BCAS3: variants seen among roughly 807,000 people sequenced by gnomAD.
The protein encoded by BCAS3 is BCAS3 microtubule associated cell migration factor, also known as BCAS4/BCAS3 fusion.
Under a neutral mutation model 116.1 loss-of-function variants are expected in BCAS3, and 53 were observed. The ratio of observed to expected loss-of-function variants is 0.46; its 90% CI spans 0.37 to 0.57. The LOEUF is 0.57. BCAS3 is among the 20% of genes least tolerant of loss of function. The pLI is 0.00. For synonymous variants in BCAS3, 391 were observed against 408.2 expected (o/e 0.96, Z 0.51); for missense variants, 917 against 1,165.4 (o/e 0.79, Z 3.10).
Position 61,391,709 on chromosome 17 carries a change from C to T in BCAS3, c.2594-268C>T. ...AGTCCACACACATCGTCAGGGTGGCCGTGCTTCGGGCCTAAAGGGCTTCCC... is the reference window on the plus strand; with the variant it reads ...AGTCCACACACATCGTCAGGGTGGCTGTGCTTCGGGCCTAAAGGGCTTCCC... On this transcript the variant is annotated intron_variant, in intron 23 of 23. Coordinates refer to ENST00000407086, the MANE Select transcript of BCAS3 (RefSeq NM_017679.5). This position sits in a 1 kb window ranked among gnomAD's most constrained non-coding sequence, Gnocchi z 7.7. The T allele has an allele frequency of 6.4e-6, 3 of 469,292 alleles. No homozygotes were observed. The South Asian group carries it at 7.6e-5, about 12-fold the overall frequency. The allele number at this position is 469,292 out of a possible 1,614,324, so 29.1% of individuals were successfully genotyped here. A position where few individuals can be genotyped will look rare whatever the true frequency, so the allele number is the denominator to read the frequency against.
At chr17:60,879,810 A>C (rs1211842868) in intron 9 of BCAS3, among the ~76,000 whole-genome samples, 1 of 152,242 alleles carries the variant, frequency 6.6e-6, no homozygotes, top group Non-Finnish European at 1.5e-5. Flanking sequence ...TGGAAATGCA[A>C]AGTTTACTTT....
In BCAS3 at chr17:61,339,039, A is replaced by G. The variant is rs1293157091; in HGVS notation, c.2426-29288A>G. On this transcript the variant is annotated intron_variant, in intron 22 of 23. Transcript: ENST00000407086. This position sits in a 1 kb window ranked among gnomAD's most constrained non-coding sequence, Gnocchi z 4.4. Reference sequence around the variant, plus strand: ...TTAACATCTTGGTTTTGGGAAAAAAAAAAATTCACAAAGACCCATCTGCCT... The same window carrying G: ...TTAACATCTTGGTTTTGGGAAAAAAGAAAATTCACAAAGACCCATCTGCCT... Among the ~76,000 whole-genome samples, 2 of 151,898 alleles carry G rather than the reference A, an allele frequency of 1.3e-5. No homozygotes were observed. The highest frequency in any genetic ancestry group is 2.4e-5 in the African/African-American group (1 of 41,322).
At chr17:60,814,298 T>TGCGCGCGCGC (rs778722592) in intron 7 of BCAS3, among the ~76,000 whole-genome samples, 2,793 of 115,096 alleles carry the variant, frequency 0.024, 29 homozygotes, top group African/African-American at 0.058. Context: ...TGTGTGTGTG[T>TGCGCGCGCGC]GTGTGTGTGC....
chr17:60,882,509 C>A (rs966767569), intron 9 of BCAS3, among the ~76,000 whole-genome samples: 55 of 152,104 alleles, frequency 3.6e-4, no homozygotes, highest in African/African-American at 1.3e-3. Context: ...GACATGAAGT[C>A]CTTGCCCATG....
chr17:61,236,615 C>A (rs959028803), intron 22 of BCAS3, among the ~76,000 whole-genome samples: 1 of 152,146 alleles, frequency 6.6e-6, no homozygotes, highest in African/African-American at 2.4e-5. Flanking sequence ...CCACCGCATC[C>A]GGCCACTGTA....
chr17:60,785,274 C>T (rs2046196411), intron 6 of BCAS3, among the ~76,000 whole-genome samples: 1 of 152,038 alleles, frequency 6.6e-6, no homozygotes, highest in African/African-American at 2.4e-5. Context: ...TTCTTGTGCT[C>T]CATCCTCCTG....
At position 61,300,111 on chromosome 17, in the gene BCAS3, AG is replaced by A. The variant is rs1470256720; in HGVS notation, c.2426-68214del. On this transcript the variant is annotated intron_variant, in intron 22 of 23. Transcript: ENST00000407086. The surrounding 1 kb of genome is among the most constrained non-coding windows in gnomAD (Gnocchi z 5.1). The stretch of plus-strand genomic sequence containing the variant: ...GCTGTTTAGTACAGTACTAGGCAGA[AG>A]GTGCTTTCTCCTCACGTTACATTTT... Among the ~76,000 whole-genome samples, 11 of 152,216 alleles carry A rather than the reference AG, an allele frequency of 7.2e-5. No individual in the cohort carries two copies. The highest frequency in any genetic ancestry group is 2.9e-5 in the Non-Finnish European group (2 of 68,030).
At chr17:61,137,279 A>G (rs1004391686) in intron 22 of BCAS3, among the ~76,000 whole-genome samples, 2 of 152,206 alleles carry the variant, frequency 1.3e-5, no homozygotes, top group African/African-American at 4.8e-5. Context: ...ATATCAAGGG[A>G]TACATGACTC....
At chr17:60,707,877 A>G (rs2037371752) in intron 4 of BCAS3, among the ~76,000 whole-genome samples, 1 of 152,126 alleles carries the variant, frequency 6.6e-6, no homozygotes, top group Non-Finnish European at 1.5e-5. Context: ...TATCCTTTCT[A>G]TATTGTGGGA....
chr17:61,370,540 T>C (rs1280447324), intron 23 of BCAS3, among the ~76,000 whole-genome samples: 1 of 152,110 alleles, frequency 6.6e-6, no homozygotes, highest in Non-Finnish European at 1.5e-5. Flanking sequence ...AGGCGCCCGC[T>C]ACCACGCCCA....
In BCAS3 at chr17:61,105,425, A is replaced by T. The variant is rs1057126112; in HGVS notation, c.2425+20861A>T. ...TGACACTAGAGGAAAAACCCACAGA[A>T]TTTTTTTTATTTTTTTGAGACAGAG... On this transcript the variant is annotated intron_variant, in intron 22 of 23. Transcript: ENST00000407086. This position sits in a 1 kb window ranked among gnomAD's most constrained non-coding sequence, Gnocchi z 4.3. Among the ~76,000 whole-genome samples, 6 of 151,926 alleles carry T rather than the reference A, an allele frequency of 3.9e-5. No homozygotes were observed. The highest frequency in any genetic ancestry group is 1.2e-4 in the African/African-American group (5 of 41,380).
At position 61,392,063 on chromosome 17, in the gene BCAS3, C is replaced by A. The variant is rs768694868; in HGVS notation, c.2680C>A (p.Arg894=). The change falls in exon 24 of 24, where the codon CGA becomes AGA. Residue 894 remains arginine (R), a synonymous_variant. Transcript: ENST00000407086. This position sits in a 1 kb window ranked among gnomAD's most constrained non-coding sequence, Gnocchi z 6.4. The part of the protein sequence containing the change: ...GSIPRNFDGY[R]SPLPTNESQP... ...CATACCAAGAAACTTTGATGGCTAC[C>A]GATCTCCGCTGCCCACCAATGAGAG... The A allele has an allele frequency of 4.3e-6, 7 of 1,613,720 alleles. No homozygotes were observed. The highest frequency in any genetic ancestry group is 1.6e-4 in the Middle Eastern group (1 of 6,082).
chr17:60,977,745 A>G (rs929091924), intron 14 of BCAS3, among the ~76,000 whole-genome samples: 1 of 150,548 alleles, frequency 6.6e-6, no homozygotes, highest in Non-Finnish European at 1.5e-5. Context: ...GATTGAGAAT[A>G]TGCGTGTTTG....
intron 14 of BCAS3, among the ~76,000 whole-genome samples, chr17:60,983,549 A>C (rs1422119909): frequency 6.6e-6 from 1 of 152,190 alleles, no homozygotes; most frequent in Admixed American, 6.5e-5. Context: ...GTCATAGAGC[A>C]GAATCACTTC....
intron 7 of BCAS3, among the ~76,000 whole-genome samples, chr17:60,817,696 A>G (rs886756491): frequency 1.1e-4 from 17 of 152,130 alleles, no homozygotes; most frequent in African/African-American, 4.1e-4. Flanking sequence ...TTGGTTAGGA[A>G]TCCCTTATCG....
rs374753333 is a variant in BCAS3 at position 61,041,293 on chromosome 17, A to T, written c.2029+401A>T. ...CAGTTAAAAGTGCAACTATGAAAAC[A>T]ATGCCAGCAGGCTTTTCTTTTGGTA... On this transcript the variant is annotated intron_variant, in intron 19 of 23. Coordinates refer to ENST00000407086, the MANE Select transcript of BCAS3 (RefSeq NM_017679.5). This position sits in a 1 kb window ranked among gnomAD's most constrained non-coding sequence, Gnocchi z 4.7. 3.3e-5 allele frequency among the ~76,000 whole-genome samples: 5 copies of T among 152,010 alleles called. No homozygotes were observed. The highest frequency in any genetic ancestry group is 1.9e-4 in the East Asian group (1 of 5,196).
rs1467230507 is a variant in BCAS3 at position 61,186,565 on chromosome 17, G to C, written c.2425+102001G>C. Reference sequence around the variant, plus strand: ...AATATGCTCATAACTTATTTTAATTGTTCATTTGAATTTTTGTCTTCATAT... The same window carrying C: ...AATATGCTCATAACTTATTTTAATTCTTCATTTGAATTTTTGTCTTCATAT... On this transcript the variant is annotated intron_variant, in intron 22 of 23. Coordinates refer to ENST00000407086, the MANE Select transcript of BCAS3 (RefSeq NM_017679.5). This position sits in a 1 kb window ranked among gnomAD's most constrained non-coding sequence, Gnocchi z 4.9. Among the ~76,000 whole-genome samples the C allele has an allele frequency of 1.3e-5, 2 of 151,856 alleles. No homozygotes were observed. The highest frequency in any genetic ancestry group is 1.3e-4 in the Admixed American group (2 of 15,258).
intron 6 of BCAS3, among the ~76,000 whole-genome samples, chr17:60,799,741 A>G (rs2047591005): frequency 1.7e-5 from 2 of 115,758 alleles, no homozygotes; most frequent in African/African-American, 8.6e-5. Context: ...TTTTTAGTAG[A>G]ACTGGGGTTT....
chr17:60,850,052 T>G (rs1190034186), intron 7 of BCAS3, among the ~76,000 whole-genome samples: 1 of 152,098 alleles, frequency 6.6e-6, no homozygotes, highest in Admixed American at 6.5e-5. Context: ...CCCACTGCAC[T>G]TGGTGCCTGG....
Sources: gnomAD v4.1 joint callset for allele counts (sites outside exome capture counted in the v4.1 genomes callset) on GRCh38, gnomAD v4.1.1 for gene constraint, Gnocchi (gnomAD v3.1) non-coding constraint, MANE v1.5 for transcripts, NCBI Gene and HGNC (gene_info 2026-07-23, HGNC 2026-07-21) for gene names.